Variants in ACOT9 observed in about 807,000 individuals in gnomAD.
ACOT9 encodes acyl-coenzyme A thioesterase 9, mitochondrial.
A neutral mutation model predicts 39.7 loss-of-function variants in ACOT9; 34 were observed. The observed-to-expected ratio is 0.86, with a 90% CI of 0.65 to 1.14. The LOEUF is 1.14. Ranked by LOEUF, ACOT9 falls within the 50% of genes most tolerant of loss-of-function variation. ACOT9 has a pLI of 0.00. For synonymous variants in ACOT9, 110 were observed against 120.5 expected, an observed-to-expected ratio of 0.91 and a Z score of 0.57; for missense variants, 313 against 344.1, an observed-to-expected ratio of 0.91 and a Z score of 0.71.
At chrX:23,704,665 G>GT (rs1928611463) in intron 15 of ACOT9, 29 bp downstream of exon 15, 2 of 1,199,041 alleles carry the variant, frequency 1.7e-6, no homozygotes, top group East Asian at 5.9e-5. Context: ...TCTTCCCTTT[G>GT]TTAGGGACAA....
intron 4 of ACOT9, among the ~76,000 whole-genome samples, chrX:23,731,839 G>C (rs971336367): frequency 1.8e-5 from 2 of 111,039 alleles, no homozygotes; most frequent in African/African-American, 6.5e-5. Flanking sequence ...ATGAAAAGGA[G>C]ACAGAAAGGG....
At chrX:23,706,268 A>C (rs1308392657) in intron 11 of ACOT9, among the ~76,000 whole-genome samples, 2 of 104,451 alleles carry the variant, frequency 1.9e-5, no homozygotes, top group African/African-American at 3.5e-5. Context: ...TCCATCTCAA[A>C]AACAAAAAAG....
At chrX:23,742,215 A>AGT (rs199761873) in intron 1 of ACOT9, among the ~76,000 whole-genome samples, 81 of 45,080 alleles carry the variant, frequency 1.8e-3, no homozygotes, top group Admixed American at 2.9e-3. Flanking sequence ...TGAGTGAGTG[A>AGT]GAGAGAGAGA....
intron 9 of ACOT9, among the ~76,000 whole-genome samples, chrX:23,711,674 G>A (rs750781335): frequency 8.9e-6 from 1 of 111,832 alleles, no homozygotes; most frequent in South Asian, 3.7e-4. Context: ...GCTATTTGCA[G>A]GATGACAAAG....
intron 12 of ACOT9, 84 bp downstream of exon 12, chrX:23,705,684 G>C: frequency 8.9e-7 from 1 of 1,118,044 alleles, no homozygotes; most frequent in Non-Finnish European, 1.2e-6. Flanking sequence ...ACAGGACAAA[G>C]GCCAGTTTAA....
intron 7 of ACOT9, 139 bp from the exon 8 acceptor site, chrX:23,722,123 G>A: frequency 2.5e-6 from 1 of 402,104 alleles, no homozygotes; most frequent in Admixed American, 4.9e-5. Flanking sequence ...TTGACACGCA[G>A]AAGAAATCTA....
chrX:23,727,531 C>T (rs1011007854), intron 6 of ACOT9, among the ~76,000 whole-genome samples: 1 of 109,337 alleles, frequency 9.1e-6, no homozygotes, highest in Non-Finnish European at 1.9e-5. Context: ...CACTATGTTT[C>T]CCAGGCTGGT....
intron 15 of ACOT9, among the ~76,000 whole-genome samples, chrX:23,704,271 C>T (rs894647726): frequency 2.9e-5 from 3 of 104,701 alleles, no homozygotes; most frequent in Non-Finnish European, 5.8e-5. Flanking sequence ...CCCAGGTTCA[C>T]GCCATTCTCC....
rs771041290 is a variant in ACOT9 at position 23,735,909 on chromosome X, C to G, written c.118+10G>C. 2.5e-6 allele frequency: 3 copies of G among 1,203,977 alleles called. No individual in the cohort carries two copies. Among genetic ancestry groups the G allele is most frequent in the Non-Finnish European group, 3.4e-6 (3 of 889,771 alleles). ...ACCACATAGGCATCAAACAGAGACACCATGCTTGCCTTCATGAATGTGGAA... is the reference window on the plus strand; with the variant it reads ...ACCACATAGGCATCAAACAGAGACAGCATGCTTGCCTTCATGAATGTGGAA... On this transcript the variant is annotated intron_variant, in intron 2 of 15. Coordinates refer to ENST00000379303, the MANE Select transcript of ACOT9 (RefSeq NM_001037171.2).
chrX:23,731,747 G>C (rs1292626432), intron 4 of ACOT9, among the ~76,000 whole-genome samples: 1 of 109,283 alleles, frequency 9.2e-6, no homozygotes, highest in Non-Finnish European at 1.9e-5. Context: ...TTCAATTTCA[G>C]GAAAGAGAGA....
At chrX:23,733,335 T>C (rs1456491006) in intron 3 of ACOT9, 118 bp from the exon 4 acceptor site, 2 of 622,972 alleles carry the variant, frequency 3.2e-6, no homozygotes, top group African/African-American at 2.2e-5. Flanking sequence ...TAAAGATCCA[T>C]AGATTTCCAT....
rs1928486946 is a variant in ACOT9, at chrX:23,701,625, C to T, written c.*2269G>A. On this transcript the variant is annotated 3_prime_UTR_variant, in exon 16 of 16. Coordinates refer to ENST00000379303, the MANE Select transcript of ACOT9 (RefSeq NM_001037171.2). ...TAACTGGGACTACAGGTGCACACCA[C>T]CATGCTCAGATAATTTTTTAACTTT... Among the ~76,000 whole-genome samples, 1 of 111,112 alleles carries T rather than the reference C, an allele frequency of 9.0e-6. No individual in the cohort carries two copies.
chrX:23,734,333 A>G lies in ACOT9; in HGVS notation c.145+8T>C, dbSNP rs763524908. On this transcript the variant is annotated splice_region_variant and intron_variant, in intron 3 of 15. Coordinates refer to ENST00000379303, the MANE Select transcript of ACOT9 (RefSeq NM_001037171.2). ...AAAAGAAAAGCTGATACTAATTACCACACACACCATGATTCACATGTATAG... is the reference window on the plus strand; with the variant it reads ...AAAAGAAAAGCTGATACTAATTACCGCACACACCATGATTCACATGTATAG... 6.7e-6 allele frequency: 8 copies of G among 1,196,039 alleles called. No homozygotes were observed. Among genetic ancestry groups the G allele is most frequent in the Non-Finnish European group, 9.0e-6 (8 of 885,933 alleles).
At position 23,734,342 on chromosome X, in the gene ACOT9, A is replaced by G. The variant is rs1242785140; in HGVS notation, c.144T>C (p.His48=). The change falls in exon 3 of 16, where the codon CAT becomes CAC. Residue 48 remains histidine (H), a splice_region_variant and synonymous_variant. Coordinates refer to ENST00000379303, the MANE Select transcript of ACOT9 (RefSeq NM_001037171.2). ...HEACSSIHVN[H]VRDKLREIVG... is the part of the protein sequence containing the mutation. ...GCTGATACTAATTACCACACACACC[A>G]TGATTCACATGTATAGATGAACATG... is the stretch of plus-strand genomic sequence containing the variant. 8.4e-7 allele frequency: 1 copy of G among 1,197,405 alleles called. No homozygotes were observed. The highest frequency in any genetic ancestry group is 2.3e-5 in the Admixed American group (1 of 44,153).
At position 23,701,336 on chromosome X, in the gene ACOT9, G is replaced by A. The variant is rs982773216; in HGVS notation, c.*2558C>T. 9.0e-6 allele frequency among the ~76,000 whole-genome samples: 1 copy of A among 111,447 alleles called. No homozygotes were observed. The highest frequency in any genetic ancestry group is 1.9e-5 in the Non-Finnish European group (1 of 53,155). On this transcript the variant is annotated 3_prime_UTR_variant, in exon 16 of 16. Transcript: ENST00000379303. ...TCAGGATGGCATTACGGCATGGAGA[G>A]ACAAGTTATTATAGTACAGCACATG...
At chrX:23,713,021 T>C in intron 9 of ACOT9, 114 bp downstream of exon 9, 1 of 583,914 alleles carries the variant, frequency 1.7e-6, no homozygotes, top group Non-Finnish European at 2.6e-6. Context: ...AAATTGCAAT[T>C]AAAACTGTTA....
At chrX:23,704,256 C>T (rs12557227) in intron 15 of ACOT9, among the ~76,000 whole-genome samples, 9,741 of 104,435 alleles carry the variant, frequency 0.093, 488 homozygotes, top group East Asian at 0.2. Context: ...CTGCAAGCTC[C>T]GCCTCCCAGG....
Position 23,703,615 on chromosome X carries a change from G to A in ACOT9, c.*279C>T, listed in dbSNP as rs776726490. The A allele has an allele frequency of 8.7e-6, 2 of 228,944 alleles. No homozygotes were observed. The highest frequency in any genetic ancestry group is 1.6e-5 in the Non-Finnish European group (2 of 126,429). The allele number at this position is 228,944 out of a possible 1,213,427, so 18.9% of individuals were successfully genotyped here. A position where few individuals can be genotyped will look rare whatever the true frequency, so the allele number is the denominator to read the frequency against. ...TTATAGGCATGAGCCACCACGCCCA[G>A]CCTCTCAATTTTTTTGTTTTTTCAG... On this transcript the variant is annotated 3_prime_UTR_variant, in exon 16 of 16. Transcript: ENST00000379303.
chrX:23,705,817 A>T lies in ACOT9; in HGVS notation c.884T>A (p.Val295Glu), dbSNP rs1411351125. The T allele has an allele frequency of 8.3e-7, 1 of 1,211,361 alleles. No homozygotes were observed. Among genetic ancestry groups the T allele is most frequent in the East Asian group, 3.0e-5 (1 of 33,876 alleles). Residue 295 changes from valine (V) to glutamate (E), a missense_variant, in exon 12 of 16, where the codon GTG (valine) becomes GAG (glutamate). Coordinates refer to ENST00000379303, the MANE Select transcript of ACOT9 (RefSeq NM_001037171.2). ...CTTCAGTTTTGAATTCTCCATCCAC[A>T]CTGCATTAGAGGGTAAAACTCGACT... is the stretch of plus-strand genomic sequence containing the variant. ...FRSRVLPSNA[V>E]WMENSKLKSL...
Sources: gnomAD v4.1 joint callset for allele counts (sites outside exome capture counted in the v4.1 genomes callset) on GRCh38, gnomAD v4.1.1 for gene constraint, MANE v1.5 for transcripts, NCBI Gene and HGNC (gene_info 2026-07-23, HGNC 2026-07-21) for gene names.